ANAPC11: variants seen among roughly 807,000 people sequenced by gnomAD.
The protein encoded by ANAPC11 is anaphase promoting complex subunit 11, also known as anaphase-promoting complex subunit 11.
A neutral mutation model predicts 11.8 loss-of-function variants in ANAPC11; 5 were observed. The ratio of observed to expected loss-of-function variants is 0.42; its 90% CI spans 0.22 to 0.89. ANAPC11 has a LOEUF of 0.89. Among genes scored for constraint, ANAPC11 ranks in the 40% least tolerant of loss-of-function variants. ANAPC11 has a pLI of 0.28. For synonymous variants in ANAPC11, 45 were observed against 41.0 expected, an observed-to-expected ratio of 1.10 and a Z score of -0.38; for missense variants, 68 against 112.9, an observed-to-expected ratio of 0.60 and a Z score of 1.80.
At position 81,899,511 on chromosome 17, in the gene ANAPC11, C is replaced by A. The variant is rs146931437; in HGVS notation, c.110-409C>A. 48 of 1,613,922 alleles carry A rather than the reference C, an allele frequency of 3.0e-5. No homozygotes were observed. In the African/African-American group the frequency reaches 6.0e-4, roughly 20 times the overall value. On this transcript the variant is annotated intron_variant, in intron 3 of 3. Coordinates refer to ENST00000344877, the MANE Select transcript of ANAPC11 (RefSeq NM_001002248.3). ...ATGTGACCTTTTTGGCATCACAGAT[C>A]AAGTGTCTGCAGATGGGCCCAGGGC...
chr17:81,891,283 C>T, upstream of ANAPC11: 1 of 1,114,836 alleles, frequency 9.0e-7, no homozygotes, highest in African/African-American at 1.7e-5. Flanking sequence ...CCCCGGCTGG[C>T]CCCCTCCCAC....
rs149477742 is a variant in ANAPC11 at position 81,893,842 on chromosome 17, C to G, written c.-12+228C>G. The stretch of plus-strand genomic sequence containing the variant: ...AAACTCCTGAGCTCAGGCGATCCTC[C>G]CGAGTTGGCCTCCCAGAGTGCTGGG... On this transcript the variant is annotated intron_variant, in intron 2 of 3. Coordinates refer to ENST00000344877, the MANE Select transcript of ANAPC11 (RefSeq NM_001002248.3). Among the ~76,000 whole-genome samples the G allele has an allele frequency of 1.6e-3, 248 of 150,896 alleles. 1 individual carries two copies. Among genetic ancestry groups the G allele is most frequent in the African/African-American group, 5.7e-3 (232 of 41,030 alleles).
At chr17:81,891,341 T>C (rs2039525320), upstream of ANAPC11, 1 of 1,158,318 alleles carries the variant, frequency 8.6e-7, no homozygotes, top group Non-Finnish European at 1.1e-6. Flanking sequence ...AGGGCGCCGG[T>C]CGGTTCCTGC....
At chr17:81,899,598 G>C (rs1453728809) in intron 3 of ANAPC11, 2 of 1,556,798 alleles carry the variant, frequency 1.3e-6, no homozygotes, top group Non-Finnish European at 1.7e-6. Flanking sequence ...GGGTGGGCTA[G>C]GCCAGAGCGC....
upstream of ANAPC11, chr17:81,891,715 G>A (rs908506844): frequency 1.3e-4 from 107 of 800,068 alleles, no homozygotes; most frequent in Middle Eastern, 4.8e-4. Context: ...GGTGAGGCGG[G>A]GAGGCGCGTG....
chr17:81,899,398 C>G, intron 3 of ANAPC11: 1 of 1,613,922 alleles, frequency 6.2e-7, no homozygotes, highest in African/African-American at 1.3e-5. Flanking sequence ...GAAGAGTCTT[C>G]TAGGTCCCCA....
intron 1 of ANAPC11, 86 bp downstream of exon 1, chr17:81,891,927 C>G (rs1278273266): frequency 5.7e-6 from 1 of 176,558 alleles, no homozygotes; most frequent in Non-Finnish European, 1.2e-5. Context: ...CCCTCCCTCC[C>G]CGCACGCTCC....
intron 3 of ANAPC11, chr17:81,898,168 C>T (rs1195547373): frequency 6.6e-6 from 1 of 152,266 alleles, no homozygotes; most frequent in Admixed American, 6.5e-5. Context: ...GTGGGATGCC[C>T]TGAGGGCAGG....
At chr17:81,899,737 C>G in intron 3 of ANAPC11, 183 bp from the exon 4 acceptor site, 1 of 964,408 alleles carries the variant, frequency 1.0e-6, no homozygotes, top group Non-Finnish European at 1.5e-6. Flanking sequence ...TGGTCTTCGC[C>G]TGGGGGCGGG....
In ANAPC11 at chr17:81,894,395, C is replaced by T. The variant is rs879117268; in HGVS notation, c.-11-72C>T. The T allele has an allele frequency of 7.1e-6, 6 of 849,876 alleles. No homozygotes were observed. The South Asian group carries it at 9.4e-5, about 13-fold the overall frequency. The allele number at this position is 849,876 out of a possible 1,614,324, so 52.6% of individuals were successfully genotyped here. On this transcript the variant is annotated intron_variant, in intron 2 of 3. Transcript: ENST00000344877. ...GGGACTGCACTGTGGCAGGCTTATA[C>T]CTGTGTTGGTGCCTAAACGTTCTAG... is the stretch of plus-strand genomic sequence containing the variant.
At chr17:81,892,575 T>G (rs1165318133) in intron 1 of ANAPC11, among the ~76,000 whole-genome samples, 1 of 144,990 alleles carries the variant, frequency 6.9e-6, no homozygotes, top group East Asian at 2.0e-4. Flanking sequence ...CAGGCTGGAG[T>G]GCAGTGGGGC....
At chr17:81,898,829 C>T (rs2143574567) in intron 3 of ANAPC11, 1 of 217,824 alleles carries the variant, frequency 4.6e-6, no homozygotes, top group Admixed American at 5.2e-5. Flanking sequence ...TCAGACACCC[C>T]AGGCCGGCTT....
chr17:81,898,459 TG>T (rs567007154), intron 3 of ANAPC11: 6 of 152,250 alleles, frequency 3.9e-5, no homozygotes, highest in Non-Finnish European at 7.3e-5. Context: ...TTTGTTAACA[TG>T]GGGCCTGTTG....
At chr17:81,897,386 G>A (rs953238255) in intron 3 of ANAPC11, among the ~76,000 whole-genome samples, 5 of 152,036 alleles carry the variant, frequency 3.3e-5, no homozygotes, top group African/African-American at 1.2e-4. Flanking sequence ...CGTCCACCTC[G>A]GCCTCCCAAA....
chr17:81,899,744 C>T (rs1284003297), intron 3 of ANAPC11, 176 bp from the exon 4 acceptor site: 17 of 954,322 alleles, frequency 1.8e-5, no homozygotes, highest in African/African-American at 1.5e-4. Context: ...CGCCTGGGGG[C>T]GGGCTGGTCA....
chr17:81,899,158 C>A lies in ANAPC11; in HGVS notation c.110-762C>A. 2.9e-6 allele frequency: 4 copies of A among 1,396,840 alleles called. No homozygotes were observed. In the African/African-American group the frequency reaches 4.3e-5, roughly 15 times the overall value. 86.5% of individuals were successfully genotyped at this position (1,396,840 alleles called of 1,614,324 possible). The stretch of plus-strand genomic sequence containing the variant: ...CTGTGCTCTGTTGGCAGCAGCTGTT[C>A]CTCAGGGGTTTCCAGGCTCTTGGAG... On this transcript the variant is annotated intron_variant, in intron 3 of 3. Transcript: ENST00000344877.
At chr17:81,891,250 G>A (rs1290175383), upstream of ANAPC11, 29 of 1,039,062 alleles carry the variant, frequency 2.8e-5, no homozygotes, top group Non-Finnish European at 3.4e-5. Flanking sequence ...CCGGGTCTCC[G>A]CCGCGAGCGG....
upstream of ANAPC11, chr17:81,891,624 C>T (rs764970622): frequency 3.7e-6 from 5 of 1,349,106 alleles, no homozygotes; most frequent in African/African-American, 4.7e-5. Flanking sequence ...TCACTTCCGG[C>T]GCCGCGTGAG....
chr17:81,898,927 CAG>C (rs1409169636), intron 3 of ANAPC11: 2 of 433,470 alleles, frequency 4.6e-6, no homozygotes, highest in Middle Eastern at 6.3e-4. Context: ...CCCCTCTCCT[CAG>C]GGGGCTAGCA....
Sources: allele counts gnomAD v4.1 joint callset (sites outside exome capture counted in the v4.1 genomes callset), GRCh38; gene constraint gnomAD v4.1.1; transcripts MANE v1.5; gene names NCBI Gene and HGNC (gene_info 2026-07-23, HGNC 2026-07-21).